DLC1: variants seen among roughly 807,000 people sequenced by gnomAD.
The protein encoded by DLC1 is rho GTPase-activating protein 7.
A neutral mutation model predicts 140.3 loss-of-function variants in DLC1; 54 were observed. The ratio of observed to expected loss-of-function variants is 0.38; its 90% confidence interval spans 0.31 to 0.48. DLC1 has a LOEUF of 0.48. Ranked by LOEUF, DLC1 falls within the 20% of genes least tolerant of loss-of-function variation. DLC1 has a pLI of 0.96. For missense variants in DLC1, 2,536 were observed against 1,907.0 expected (o/e 1.33, Z -6.14); for synonymous variants, 986 against 728.1 (o/e 1.35, Z -5.70).
At chr8:13,559,879 G>A (rs1018051933) in intron 1 of DLC1, among the ~76,000 whole-genome samples, 3 of 151,990 alleles carry the variant, frequency 2.0e-5, no homozygotes, top group Non-Finnish European at 4.4e-5. Context: ...CAAGGTCAGT[G>A]TTCAATAGCA....
chr8:13,301,544 T>C lies in DLC1; in HGVS notation c.1348+3725A>G, dbSNP rs375462281. On this transcript the variant is annotated intron_variant, in intron 5 of 17. Coordinates refer to ENST00000276297, the MANE Select transcript of DLC1 (RefSeq NM_182643.3). ...AACAACATGGCAGATTCTTGATTTG[T>C]GTTCTGGAAATGAGGGAGATGAGGA... Among the ~76,000 whole-genome samples, 5 of 152,190 alleles carry C rather than the reference T, an allele frequency of 3.3e-5. No homozygotes were observed. In the East Asian group the frequency reaches 7.7e-4, roughly 23 times the overall value.
intron 15 of DLC1, among the ~76,000 whole-genome samples, chr8:13,088,925 C>A (rs1008710662): frequency 6.6e-6 from 1 of 152,142 alleles, no homozygotes; most frequent in Non-Finnish European, 1.5e-5. Context: ...TAAGAGCAAG[C>A]CAGAAAGTGA....
intron 5 of DLC1, among the ~76,000 whole-genome samples, chr8:13,279,779 A>G (rs981548166): frequency 1.3e-5 from 2 of 152,210 alleles, no homozygotes; most frequent in African/African-American, 4.8e-5. Context: ...TAGAAATGAT[A>G]GACACAGAAA....
chr8:13,338,627 A>G (rs1409732732), intron 4 of DLC1: 1 of 152,152 alleles, frequency 6.6e-6, no homozygotes, highest in South Asian at 2.1e-4. Context: ...TGACTCTGAG[A>G]AGTTCAGTTC....
intron 5 of DLC1, among the ~76,000 whole-genome samples, chr8:13,205,312 T>A (rs1827603956): frequency 6.6e-6 from 1 of 151,330 alleles, no homozygotes; most frequent in Non-Finnish European, 1.5e-5. Context: ...TCTATTTATA[T>A]CATTTTTTAA....
At position 13,295,938 on chromosome 8, in the gene DLC1, C is replaced by CTTTTTTTTTT. The variant is rs34697767; in HGVS notation, c.1348+9330_1348+9331insAAAAAAAAAA. 3.6e-4 allele frequency among the ~76,000 whole-genome samples: 19 copies of CTTTTTTTTTT among 53,342 alleles called. 2 individuals are homozygous for CTTTTTTTTTT. Among genetic ancestry groups the CTTTTTTTTTT allele is most frequent in the Admixed American group, 6.9e-4 (4 of 5,758 alleles). 35.0% of individuals were successfully genotyped at this position (53,342 alleles called of 152,430 possible). A position where few individuals can be genotyped will look rare whatever the true frequency, so the allele number is the denominator to read the frequency against. Reference sequence around the variant, plus strand: ...ATCTAAGAGATGATCAGATAAGATTCTTTGTTTTTTTTTTTTTTTTTTTTT... The same window carrying CTTTTTTTTTT: ...ATCTAAGAGATGATCAGATAAGATTCTTTTTTTTTTTTTGTTTTTTTTTTTTTTTTTTTTT... On this transcript the variant is annotated intron_variant, in intron 5 of 17. Transcript: ENST00000276297.
intron 4 of DLC1, among the ~76,000 whole-genome samples, chr8:13,373,936 T>C (rs1417974610): frequency 6.6e-6 from 1 of 152,212 alleles, no homozygotes; most frequent in Non-Finnish European, 1.5e-5. Flanking sequence ...ATTATTTCAT[T>C]TTATGGAAAA....
intron 5 of DLC1, among the ~76,000 whole-genome samples, chr8:13,130,807 G>A (rs770939228): frequency 6.6e-6 from 1 of 152,130 alleles, no homozygotes; most frequent in Admixed American, 6.5e-5. Flanking sequence ...AGGCTGTTTG[G>A]TGTCTGGTGC....
intron 5 of DLC1, among the ~76,000 whole-genome samples, chr8:13,267,583 T>C (rs1380337821): frequency 6.6e-6 from 1 of 152,202 alleles, no homozygotes; most frequent in Non-Finnish European, 1.5e-5. Context: ...AAACAAAGTC[T>C]AGACACCATA....
chr8:13,316,654 T>G (rs2116884614), intron 4 of DLC1, among the ~76,000 whole-genome samples: 1 of 152,200 alleles, frequency 6.6e-6, no homozygotes, highest in South Asian at 2.1e-4. Flanking sequence ...GCACGATTGC[T>G]TGGAACTGGT....
Position 13,514,653 on chromosome 8 carries a change from G to GCTAGGA in DLC1, c.-183_-178dup. The GCTAGGA allele has an allele frequency of 2.5e-6, 1 of 398,606 alleles. No individual in the cohort carries two copies. Among genetic ancestry groups the GCTAGGA allele is most frequent in the Non-Finnish European group, 4.4e-6 (1 of 226,094 alleles). The allele number at this position is 398,606 out of a possible 1,614,324, so 24.7% of individuals were successfully genotyped here. On this transcript the variant is annotated 5_prime_UTR_variant, in exon 1 of 18. Coordinates refer to ENST00000276297, the MANE Select transcript of DLC1 (RefSeq NM_182643.3). ...AGGCATGACACTGCTCAACACTCAG[G>GCTAGGA]CTAGGAAAGAAGTCCGTCCCCGTTA...
intron 5 of DLC1, among the ~76,000 whole-genome samples, chr8:13,218,186 C>T (rs975418484): frequency 6.6e-6 from 1 of 152,124 alleles, no homozygotes; most frequent in Non-Finnish European, 1.5e-5. Context: ...TGACTAGCCA[C>T]ATGCAAATTA....
chr8:13,595,580 A>G (rs1301218176), intron 1 of DLC1, among the ~76,000 whole-genome samples: 1 of 152,082 alleles, frequency 6.6e-6, no homozygotes, highest in Non-Finnish European at 1.5e-5. Context: ...ATTAAGGGAA[A>G]AAGTGAGGAA....
At chr8:13,332,494 G>A (rs1046968752) in intron 4 of DLC1, among the ~76,000 whole-genome samples, 2 of 150,142 alleles carry the variant, frequency 1.3e-5, no homozygotes, top group Non-Finnish European at 2.9e-5. Context: ...GCAGTGGCAC[G>A]ATCTCGGCTC....
intron 2 of DLC1, among the ~76,000 whole-genome samples, chr8:13,420,245 T>C (rs1306560462): frequency 6.6e-6 from 1 of 152,088 alleles, no homozygotes; most frequent in African/African-American, 2.4e-5. Flanking sequence ...ACTTTTCTTG[T>C]AGGGTCTTTC....
At chr8:13,325,713 T>C (rs1048989955) in intron 4 of DLC1, among the ~76,000 whole-genome samples, 2 of 152,220 alleles carry the variant, frequency 1.3e-5, no homozygotes, top group Non-Finnish European at 2.9e-5. Context: ...TATCACTGAT[T>C]AAGTTCAGGA....
intron 2 of DLC1, among the ~76,000 whole-genome samples, chr8:13,492,237 T>C (rs1397957991): frequency 3.3e-5 from 5 of 152,054 alleles, no homozygotes; most frequent in African/African-American, 1.2e-4. Context: ...CTGGCTCTGG[T>C]CATCACCTGA....
chr8:13,437,180 G>A (rs1184289361), intron 2 of DLC1, among the ~76,000 whole-genome samples: 2 of 152,186 alleles, frequency 1.3e-5, no homozygotes, highest in East Asian at 3.9e-4. Context: ...AAGTTGAGAA[G>A]TGAAGGCTCT....
At chr8:13,214,732 G>C (rs563792639) in intron 5 of DLC1, 47 of 780,908 alleles carry the variant, frequency 6.0e-5, no homozygotes, top group Non-Finnish European at 9.3e-5. Flanking sequence ...GGATCCCTTT[G>C]TGCTCTTATC....
Sources: allele counts gnomAD v4.1 joint callset (sites outside exome capture counted in the v4.1 genomes callset), GRCh38; gene constraint gnomAD v4.1.1; transcripts MANE v1.5; gene names NCBI Gene and HGNC (gene_info 2026-07-23, HGNC 2026-07-21).